SPACA7: variants seen among roughly 807,000 people sequenced by gnomAD.
The protein encoded by SPACA7 is sperm acrosome-associated protein 7.
SPACA7 carries 19 observed loss-of-function variants against 26.3 expected under a neutral mutation model. The observed-to-expected ratio is 0.72, with a 90% CI of 0.50 to 1.06. The LOEUF (loss-of-function observed/expected upper bound fraction) is 1.06, where lower values mean the gene tolerates loss of function less well. Ranked by LOEUF, SPACA7 falls within the 50% of genes least tolerant of loss-of-function variation. SPACA7 has a pLI of 0.00. For synonymous variants in SPACA7, 84 were observed against 84.5 expected (o/e 0.99, Z 0.04); for missense variants, 211 against 229.9 (o/e 0.92, Z 0.53).
intron 5 of SPACA7, among the ~76,000 whole-genome samples, chr13:112,401,771 G>C (rs531268804): frequency 6.6e-6 from 1 of 152,180 alleles, no homozygotes; most frequent in Non-Finnish European, 1.5e-5. Flanking sequence ...TCTGAGCATG[G>C]TGTGAGGTGT....
intron 5 of SPACA7, among the ~76,000 whole-genome samples, chr13:112,414,757 G>A (rs1462777421): frequency 6.6e-6 from 1 of 152,124 alleles, no homozygotes; most frequent in East Asian, 1.9e-4. Flanking sequence ...CTATATTTTT[G>A]TAGAATTCTC....
At chr13:112,378,579 A>G in intron 1 of SPACA7, 1 of 410,346 alleles carries the variant, frequency 2.4e-6, no homozygotes, top group Non-Finnish European at 5.1e-6. Flanking sequence ...AGCCCAGCCA[A>G]AAACTCACCA....
chr13:112,400,847 T>C (rs1445158169), intron 4 of SPACA7, among the ~76,000 whole-genome samples: 2 of 152,242 alleles, frequency 1.3e-5, no homozygotes, highest in East Asian at 3.8e-4. Flanking sequence ...CATTGGGATG[T>C]TGGGTCAAAG....
intron 5 of SPACA7, among the ~76,000 whole-genome samples, chr13:112,429,407 C>T (rs1038272230): frequency 2.0e-5 from 3 of 151,662 alleles, no homozygotes; most frequent in Non-Finnish European, 4.4e-5. Flanking sequence ...AGAAATGACT[C>T]TTTTATTCCT....
chr13:112,398,224 T>C (rs963949353), intron 3 of SPACA7, 86 bp downstream of exon 3: 5 of 1,006,724 alleles, frequency 5.0e-6, no homozygotes, highest in Non-Finnish European at 6.2e-6. Context: ...CGTGACCCTA[T>C]AATTTGAGCA....
intron 1 of SPACA7, among the ~76,000 whole-genome samples, chr13:112,381,371 T>C (rs1566450632): frequency 6.6e-6 from 1 of 151,822 alleles, no homozygotes; most frequent in Non-Finnish European, 1.5e-5. Flanking sequence ...CATGTGTCTA[T>C]AGTTCTGGCT....
chr13:112,411,295 T>A (rs987575134), intron 5 of SPACA7, among the ~76,000 whole-genome samples: 9 of 152,044 alleles, frequency 5.9e-5, no homozygotes, highest in Admixed American at 3.9e-4. Flanking sequence ...TACTATCTGG[T>A]TTTTCAGTTT....
chr13:112,397,621 C>T (rs1036145099), intron 2 of SPACA7, among the ~76,000 whole-genome samples: 3 of 152,146 alleles, frequency 2.0e-5, no homozygotes, highest in African/African-American at 7.2e-5. Flanking sequence ...CCTAGGAGAA[C>T]CCATAGGGAC....
At chr13:112,402,709 C>T (rs536064970) in intron 5 of SPACA7, among the ~76,000 whole-genome samples, 1 of 152,158 alleles carries the variant, frequency 6.6e-6, no homozygotes, top group Non-Finnish European at 1.5e-5. Context: ...ATCCATCAAC[C>T]ATTTTATGTT....
chr13:112,397,403 T>G (rs1445799879), intron 2 of SPACA7, among the ~76,000 whole-genome samples: 3 of 152,190 alleles, frequency 2.0e-5, no homozygotes, highest in Non-Finnish European at 4.4e-5. Flanking sequence ...TGGCCCAGGC[T>G]CCGTGCTGAG....
intron 5 of SPACA7, among the ~76,000 whole-genome samples, chr13:112,413,475 A>G (rs7986058): frequency 0.096 from 14,529 of 151,558 alleles, 1,589 homozygotes; most frequent in East Asian, 0.28. Flanking sequence ...TTCTTTAGAT[A>G]TTATTTGATT....
At chr13:112,380,586 C>A (rs1446624896) in intron 1 of SPACA7, among the ~76,000 whole-genome samples, 3 of 151,714 alleles carry the variant, frequency 2.0e-5, no homozygotes, top group African/African-American at 7.3e-5. Flanking sequence ...AGATTTTTCT[C>A]TCTCTTTTTT....
chr13:112,392,902 G>A, intron 1 of SPACA7, 119 bp from the exon 2 acceptor site: 1 of 699,696 alleles, frequency 1.4e-6, no homozygotes, highest in South Asian at 2.4e-5. Context: ...TGGAACTTGG[G>A]CAGGGCTCCT....
chr13:112,382,866 G>A (rs752908299), intron 1 of SPACA7, among the ~76,000 whole-genome samples: 3 of 151,918 alleles, frequency 2.0e-5, no homozygotes, highest in Non-Finnish European at 4.4e-5. Context: ...GCAGGTGCCT[G>A]TAATCCCAGC....
At chr13:112,412,670 A>C (rs1351352288) in intron 5 of SPACA7, among the ~76,000 whole-genome samples, 1 of 152,178 alleles carries the variant, frequency 6.6e-6, no homozygotes, top group East Asian at 1.9e-4. Flanking sequence ...ATTCTTCTGC[A>C]TATGAATGTC....
intron 4 of SPACA7, among the ~76,000 whole-genome samples, chr13:112,399,688 T>C (rs1429869723): frequency 6.6e-6 from 1 of 152,186 alleles, no homozygotes; most frequent in East Asian, 1.9e-4. Context: ...CCCTGGAGAT[T>C]CAAAACCAGA....
Position 112,376,624 on chromosome 13 carries a change from T to G in SPACA7, c.94+145T>G, listed in dbSNP as rs1883718111. 1.6e-5 allele frequency: 15 copies of G among 911,942 alleles called. 1 individual carries two copies. In the South Asian group the frequency reaches 2.9e-4, roughly 18 times the overall value. 56.5% of individuals were successfully genotyped at this position (911,942 alleles called of 1,614,324 possible). On this transcript the variant is annotated intron_variant, in intron 1 of 6. Coordinates refer to ENST00000283550, the MANE Select transcript of SPACA7 (RefSeq NM_145248.5). ...GGGAATGAATGTAGCTGAAAAGTCT[T>G]TCTATCTTTGAAGACTTTTTAAAAT... is the stretch of plus-strand genomic sequence containing the variant.
At chr13:112,381,150 G>A (rs945315799) in intron 1 of SPACA7, among the ~76,000 whole-genome samples, 2 of 151,982 alleles carry the variant, frequency 1.3e-5, no homozygotes, top group Non-Finnish European at 2.9e-5. Flanking sequence ...TGATCATGAC[G>A]CCAGGGTGAT....
chr13:112,407,263 C>T (rs990659898), intron 5 of SPACA7, among the ~76,000 whole-genome samples: 3 of 152,096 alleles, frequency 2.0e-5, no homozygotes, highest in African/African-American at 7.2e-5. Context: ...CAAGAGAAAG[C>T]AGGAAATATC....
Sources: gnomAD v4.1 joint callset for allele counts (sites outside exome capture counted in the v4.1 genomes callset) on GRCh38, gnomAD v4.1.1 for gene constraint, MANE v1.5 for transcripts, NCBI Gene and HGNC (gene_info 2026-07-23, HGNC 2026-07-21) for gene names.